Variants in GRM8 observed in about 807,000 individuals in gnomAD.
GRM8 encodes glutamate metabotropic receptor 8.
Under a neutral mutation model 87.2 loss-of-function variants are expected in GRM8, and 47 were observed. The ratio of observed to expected loss-of-function variants is 0.54; its 90% CI spans 0.43 to 0.69. GRM8 has a LOEUF of 0.69. Ranked by LOEUF, GRM8 falls within the 30% of genes least tolerant of loss-of-function variation. The probability of loss-of-function intolerance (pLI) is 0.00; values close to 1 mark genes in which losing one functional copy is unlikely to be tolerated. For synonymous variants in GRM8, 396 were observed against 404.5 expected, an observed-to-expected ratio of 0.98 and a Z score of 0.25; for missense variants, 1,019 against 1,139.2, an observed-to-expected ratio of 0.89 and a Z score of 1.52.
intron 3 of GRM8, among the ~76,000 whole-genome samples, chr7:127,011,559 CA>C (rs1393214218): frequency 6.6e-6 from 1 of 151,842 alleles, no homozygotes; most frequent in South Asian, 2.1e-4. Context: ...AAGACTTCTA[CA>C]AAAAAAGACA....
intron 3 of GRM8, among the ~76,000 whole-genome samples, chr7:126,971,566 G>A (rs1810431505): frequency 6.6e-6 from 1 of 152,168 alleles, no homozygotes; most frequent in Non-Finnish European, 1.5e-5. Context: ...TTAAAGGTCA[G>A]TCTTATGAAT....
At chr7:126,608,763 T>C (rs1269752761) in intron 8 of GRM8, among the ~76,000 whole-genome samples, 2 of 150,860 alleles carry the variant, frequency 1.3e-5, no homozygotes, top group African/African-American at 4.9e-5. Flanking sequence ...TGTGCCCTTT[T>C]TTTTTTTTTT....
intron 2 of GRM8, among the ~76,000 whole-genome samples, chr7:127,183,822 A>T (rs1794602203): frequency 6.6e-6 from 1 of 151,884 alleles, no homozygotes; most frequent in African/African-American, 2.4e-5. Context: ...ACAAATTACT[A>T]ATATCAGAAA....
At chr7:126,923,291 C>T (rs1804731831) in intron 3 of GRM8, among the ~76,000 whole-genome samples, 2 of 152,122 alleles carry the variant, frequency 1.3e-5, no homozygotes. Context: ...ATAAGAACCA[C>T]ATGAAAATCC....
At chr7:127,138,446 C>A (rs1828066902) in intron 2 of GRM8, among the ~76,000 whole-genome samples, 1 of 152,064 alleles carries the variant, frequency 6.6e-6, no homozygotes, top group South Asian at 2.1e-4. Flanking sequence ...AATACTGCTC[C>A]AGCCCTTCAC....
chr7:127,011,077 T>G (rs1421846170), intron 3 of GRM8, among the ~76,000 whole-genome samples: 1 of 152,138 alleles, frequency 6.6e-6, no homozygotes, highest in Non-Finnish European at 1.5e-5. Flanking sequence ...TATCTCTTTT[T>G]TAAAATCCAT....
At chr7:127,163,758 G>A (rs891603324) in intron 2 of GRM8, among the ~76,000 whole-genome samples, 5 of 152,036 alleles carry the variant, frequency 3.3e-5, no homozygotes, top group Admixed American at 6.6e-5. Flanking sequence ...AAGTAAAAGC[G>A]TTCAGGGTCT....
intron 3 of GRM8, among the ~76,000 whole-genome samples, chr7:127,031,540 T>A (rs553803025): frequency 4.6e-5 from 7 of 152,228 alleles, no homozygotes; most frequent in Admixed American, 6.5e-5. Context: ...ACATTTTTAT[T>A]GTATCTCTCT....
chr7:126,963,717 T>C (rs1202964555), intron 3 of GRM8, among the ~76,000 whole-genome samples: 3 of 152,194 alleles, frequency 2.0e-5, no homozygotes, highest in Non-Finnish European at 2.9e-5. Flanking sequence ...GAAGAATCAA[T>C]ATCATGAAAA....
intron 8 of GRM8, among the ~76,000 whole-genome samples, chr7:126,577,282 G>T (rs1052242624): frequency 3.3e-5 from 5 of 152,156 alleles, no homozygotes; most frequent in Non-Finnish European, 7.3e-5. Context: ...AAGTTGAAAA[G>T]CCAATTTCCA....
chr7:126,447,319 A>G (rs943991426), intron 9 of GRM8: 4 of 151,842 alleles, frequency 2.6e-5, no homozygotes, highest in Non-Finnish European at 5.9e-5. Flanking sequence ...TCCACTTTTC[A>G]TGTCCTGAGC....
chr7:126,984,091 T>C (rs1811807869), intron 3 of GRM8, among the ~76,000 whole-genome samples: 1 of 152,248 alleles, frequency 6.6e-6, no homozygotes, highest in South Asian at 2.1e-4. Context: ...TTCATATCCA[T>C]ATCAGTATTT....
chr7:127,213,333 G>A (rs1375898437), intron 2 of GRM8, among the ~76,000 whole-genome samples: 1 of 152,098 alleles, frequency 6.6e-6, no homozygotes, highest in East Asian at 1.9e-4. Flanking sequence ...CTACTGAGAT[G>A]TGCTGTAAGT....
intron 9 of GRM8, among the ~76,000 whole-genome samples, chr7:126,483,746 TCCCTCCCTCCCTCCCTC>T (rs1807015007): frequency 3.3e-5 from 1 of 29,892 alleles, no homozygotes; most frequent in African/African-American, 1.5e-4. Context: ...AGTATTTCCC[TCCCTCCCTCCCTCCCTC>T]CCTCCCTCCC....
chr7:126,626,106 G>A (rs12669753), intron 7 of GRM8, among the ~76,000 whole-genome samples: 8 of 84,334 alleles, frequency 9.5e-5, no homozygotes, highest in Non-Finnish European at 1.9e-4. Context: ...AGAGAAGTGT[G>A]TGTGTGTGTG....
At chr7:126,755,783 G>A (rs527765035) in intron 7 of GRM8, among the ~76,000 whole-genome samples, 19 of 151,946 alleles carry the variant, frequency 1.3e-4, no homozygotes, top group Admixed American at 7.2e-4. Flanking sequence ...AGAGACTGAC[G>A]GGATTAGATT....
At chr7:126,534,398 C>T (rs1035247738) in intron 8 of GRM8, among the ~76,000 whole-genome samples, 12 of 152,132 alleles carry the variant, frequency 7.9e-5, no homozygotes, top group Non-Finnish European at 1.2e-4. Flanking sequence ...TCTGACTTTC[C>T]TCATGTGTTC....
intron 2 of GRM8, among the ~76,000 whole-genome samples, chr7:127,173,264 G>A (rs1307186812): frequency 6.6e-6 from 1 of 152,214 alleles, no homozygotes; most frequent in Non-Finnish European, 1.5e-5. Context: ...GGACATTGGA[G>A]TTTTAATAGG....
At position 126,943,793 on chromosome 7, in the gene GRM8, T is replaced by A. The variant is rs149216979; in HGVS notation, c.728-39110A>T. On this transcript the variant is annotated intron_variant, in intron 3 of 10. Transcript: ENST00000339582. ...GGGTGTGAGTCAGCCTTGAGCTCAA[T>A]CGAGAGTAAACAGACAAATTTACAT... 3.3e-4 allele frequency among the ~76,000 whole-genome samples: 51 copies of A among 152,310 alleles called. No individual in the cohort carries two copies. In the East Asian group the frequency reaches 9.6e-3, roughly 29 times the overall value.
Sources: gnomAD v4.1 joint callset for allele counts (sites outside exome capture counted in the v4.1 genomes callset) on GRCh38, gnomAD v4.1.1 for gene constraint, MANE v1.5 for transcripts, NCBI Gene and HGNC (gene_info 2026-07-23, HGNC 2026-07-21) for gene names.